Variants in RRN3 observed in about 807,000 individuals in gnomAD.
RRN3 encodes RNA polymerase I-specific transcription initiation factor RRN3.
RRN3 carries 38 observed loss-of-function variants against 82.3 expected under a neutral mutation model. The ratio of observed to expected loss-of-function variants is 0.46; its 90% CI spans 0.36 to 0.61. The LOEUF (loss-of-function observed/expected upper bound fraction) is 0.61, where lower values mean the gene tolerates loss of function less well. Among genes scored for constraint, RRN3 ranks in the 20% least tolerant of loss-of-function variants. RRN3 has a pLI of 0.00. For missense variants in RRN3, 726 were observed against 793.1 expected (o/e 0.92, Z 1.02); for synonymous variants, 284 against 284.3 (o/e 1.00, Z 0.01).
intron 11 of RRN3, among the ~76,000 whole-genome samples, chr16:15,074,273 T>A (rs1292975846): frequency 6.6e-6 from 1 of 152,156 alleles, no homozygotes. Context: ...TGGAAAAAAA[T>A]TCTGTTTTCG....
intron 11 of RRN3, 113 bp from the exon 12 acceptor site, chr16:15,073,193 C>T (rs2045308576): frequency 8.2e-7 from 1 of 1,220,732 alleles, no homozygotes; most frequent in Non-Finnish European, 1.2e-6. Context: ...CAGCCAAGCA[C>T]AGTGGCTCCT....
chr16:15,086,123 A>C lies in RRN3; in HGVS notation c.472+6T>G. ...AAAGAAAATAAAATTCCAAGCAATG[A>C]CTTACGAGGCACAAAATGGGAAGCA... On this transcript the variant is annotated splice_donor_region_variant and intron_variant, in intron 5 of 17. Transcript: ENST00000198767. 1 of 1,606,094 alleles carries C rather than the reference A, an allele frequency of 6.2e-7. No individual in the cohort carries two copies. The highest frequency in any genetic ancestry group is 1.1e-5 in the South Asian group (1 of 89,630).
intron 8 of RRN3, among the ~76,000 whole-genome samples, chr16:15,081,314 C>T (rs2045693817): frequency 6.6e-6 from 1 of 152,214 alleles, no homozygotes; most frequent in Admixed American, 6.5e-5. Context: ...AATGGCTGCA[C>T]CATTTTACAT....
chr16:15,092,963 G>C (rs1054195529), intron 1 of RRN3, among the ~76,000 whole-genome samples: 3 of 151,498 alleles, frequency 2.0e-5, no homozygotes, highest in Non-Finnish European at 2.9e-5. Context: ...TTCACTTACT[G>C]TTCACTCTAT....
At chr16:15,062,614 T>C (rs1278778314) in intron 17 of RRN3, among the ~76,000 whole-genome samples, 1 of 152,230 alleles carries the variant, frequency 6.6e-6, no homozygotes, top group African/African-American at 2.4e-5. Flanking sequence ...CATGAAGATC[T>C]ATAAAACTAA....
Position 15,068,228 on chromosome 16 carries a change from C to T in RRN3, c.1494G>A (p.Gln498=). The T allele has an allele frequency of 5.0e-6, 8 of 1,593,098 alleles. No individual in the cohort carries two copies. Among genetic ancestry groups the T allele is most frequent in the South Asian group, 1.1e-5 (1 of 87,428 alleles). Residue 498 remains glutamine, a synonymous_variant, in exon 15 of 18, where the codon CAG becomes CAA. Coordinates refer to ENST00000198767, the MANE Select transcript of RRN3 (RefSeq NM_018427.5). ...SLNFERIVMS[Q]LNPLKICLPS... ...GCAGGCAAATCTTCAGGGGATTTAG[C>T]TGGCTCATCACTATCCGCTCAAAAT... is the stretch of plus-strand genomic sequence containing the variant.
intron 12 of RRN3, 26 bp from the exon 13 acceptor site, chr16:15,071,277 G>C (rs774929795): frequency 6.3e-6 from 10 of 1,575,132 alleles, no homozygotes; most frequent in African/African-American, 1.4e-5. Context: ...GCGTCGGTGT[G>C]ATCTTTTTTA....
At chr16:15,094,312 G>A (rs1010535903), upstream of RRN3, 1 of 1,269,680 alleles carries the variant, frequency 7.9e-7, no homozygotes, top group Non-Finnish European at 1.1e-6. Flanking sequence ...CCCGGAAGTT[G>A]CGCGTGCCAG....
rs1402411944 is a variant in RRN3 at position 15,061,749 on chromosome 16, G to C, written c.1951C>G (p.Leu651Val). The C allele has an allele frequency of 1.2e-6, 2 of 1,607,002 alleles. No individual in the cohort carries two copies. The highest frequency in any genetic ancestry group is 1.7e-6 in the Non-Finnish European group (2 of 1,174,084). The change falls in exon 18 of 18, where the codon CTC (leucine) becomes GTC (valine). Residue 651 changes from leucine to valine, a missense_variant. Physicochemically the swap from Leu to Val is conservative, Grantham distance 32. Around this residue, in one of 4 missense-constraint regions of RRN3, gnomAD observed 166 missense variants for 154.8 expected, o/e 1.07. Transcript: ENST00000198767. ...TCAGTCACAAATTTCTGCCGTCAGA[G>C]GGGACTGGGTTGCATGTACAACACG... ...PPVLYMQPSP[L>V]
chr16:15,070,182 T>C lies in RRN3; in HGVS notation c.1332A>G (p.Thr444=), dbSNP rs1298638256. Residue 444 remains threonine, a synonymous_variant, in exon 14 of 18, where the codon ACA becomes ACG. Transcript: ENST00000198767. Reference sequence around the variant, plus strand: ...GGAGAGCAACATCGCAGAATGCCTTTGTTCCCGAATCCTGGTTATTAAGGT... The same window carrying C: ...GGAGAGCAACATCGCAGAATGCCTTCGTTCCCGAATCCTGGTTATTAAGGT... ...HIYLNNQDSG[T]KAFCDVALHG... The C allele has an allele frequency of 1.9e-6, 3 of 1,609,750 alleles. No individual in the cohort carries two copies. The Admixed American group carries it at 5.0e-5, about 27-fold the overall frequency.
chr16:15,093,922 G>A (rs2046242375), intron 1 of RRN3: 7 of 546,976 alleles, frequency 1.3e-5, no homozygotes, highest in Non-Finnish European at 9.6e-6. Context: ...AGTCGGGAAA[G>A]GGGGCCTCCA....
chr16:15,069,864 G>A (rs1035581777), intron 14 of RRN3, among the ~76,000 whole-genome samples: 2 of 152,152 alleles, frequency 1.3e-5, no homozygotes, highest in African/African-American at 4.8e-5. Context: ...CCATCTTAAG[G>A]GGTTTGTAGG....
chr16:15,077,340 G>T (rs2045504843), intron 9 of RRN3, among the ~76,000 whole-genome samples: 1 of 152,112 alleles, frequency 6.6e-6, no homozygotes, highest in Admixed American at 6.5e-5. Flanking sequence ...GGGGGGACTG[G>T]TGGGAGATAA....
intron 8 of RRN3, among the ~76,000 whole-genome samples, chr16:15,082,602 G>A (rs1054461156): frequency 4.6e-5 from 7 of 151,848 alleles, no homozygotes; most frequent in African/African-American, 1.7e-4. Flanking sequence ...GAACCCTGGA[G>A]GCAGAGGCTG....
At chr16:15,090,100 T>G (rs1235988877) in intron 3 of RRN3, among the ~76,000 whole-genome samples, 1 of 147,712 alleles carries the variant, frequency 6.8e-6, no homozygotes, top group South Asian at 2.2e-4. Flanking sequence ...ATCTCAGCTA[T>G]TTGGGAGGCT....
intron 1 of RRN3, among the ~76,000 whole-genome samples, chr16:15,093,064 T>A (rs1401487428): frequency 6.6e-6 from 1 of 152,014 alleles, no homozygotes; most frequent in Admixed American, 6.6e-5. Context: ...AGTGCAGTGG[T>A]GTGATCTTGG....
At chr16:15,092,647 C>T in intron 1 of RRN3, 33 bp from the exon 2 acceptor site, 1 of 1,294,528 alleles carries the variant, frequency 7.7e-7, no homozygotes, top group Non-Finnish European at 1.1e-6. Context: ...CTATTAAGTT[C>T]ATGAAAATAA....
At chr16:15,082,122 C>T (rs2045730802) in intron 8 of RRN3, among the ~76,000 whole-genome samples, 1 of 152,154 alleles carries the variant, frequency 6.6e-6, no homozygotes, top group African/African-American at 2.4e-5. Context: ...ACTGCCTTGG[C>T]TAGACAAGCA....
intron 8 of RRN3, among the ~76,000 whole-genome samples, chr16:15,082,551 T>C (rs934156480): frequency 1.3e-5 from 2 of 151,952 alleles, no homozygotes; most frequent in Admixed American, 6.6e-5. Flanking sequence ...CCCATGTCTA[T>C]AGTCCCACCT....
Sources: gnomAD v4.1 joint callset for allele counts (sites outside exome capture counted in the v4.1 genomes callset) on GRCh38, gnomAD v4.1.1 for gene constraint, gnomAD v4.1.1 regional missense constraint, MANE v1.5 for transcripts, NCBI Gene and HGNC (gene_info 2026-07-23, HGNC 2026-07-21) for gene names.